The following PCDH9 variants were observed in gnomAD, a reference collection of about 807,000 sequenced individuals.
The protein encoded by PCDH9 is protocadherin 9, also known as protocadherin-9.
Under a neutral mutation model 70.6 loss-of-function variants are expected in PCDH9, and 24 were observed. That is an observed-to-expected ratio of 0.34 (90% confidence interval 0.25 to 0.48). PCDH9 has a LOEUF of 0.48. Among genes scored for constraint, PCDH9 ranks in the 20% least tolerant of loss-of-function variants. PCDH9 has a pLI of 0.99. For synonymous variants in PCDH9, 562 were observed against 558.5 expected, an observed-to-expected ratio of 1.01 and a Z score of -0.09; for missense variants, 1,281 against 1,503.6, an observed-to-expected ratio of 0.85 and a Z score of 2.45.
intron 3 of PCDH9, among the ~76,000 whole-genome samples, chr13:66,719,938 G>A (rs971507250): frequency 6.6e-6 from 1 of 152,152 alleles, no homozygotes; most frequent in Non-Finnish European, 1.5e-5. Context: ...GTAAAATCAA[G>A]CGTGGCAGTT....
chr13:66,957,096 G>A (rs1161163077), intron 2 of PCDH9, among the ~76,000 whole-genome samples: 1 of 152,150 alleles, frequency 6.6e-6, no homozygotes, highest in African/African-American at 2.4e-5. Context: ...CATAGAGTGA[G>A]GTTTTTATCT....
chr13:66,975,328 T>C (rs532496641), intron 2 of PCDH9, among the ~76,000 whole-genome samples: 2 of 152,182 alleles, frequency 1.3e-5, no homozygotes, highest in South Asian at 4.1e-4. Flanking sequence ...CGACAAATTA[T>C]CTCAATGGAT....
At chr13:67,084,694 A>G (rs1002071358) in intron 2 of PCDH9, among the ~76,000 whole-genome samples, 3 of 151,872 alleles carry the variant, frequency 2.0e-5, no homozygotes, top group Admixed American at 6.6e-5. Context: ...TTGCCGGCCC[A>G]GCATGGTGGC....
intron 3 of PCDH9, among the ~76,000 whole-genome samples, chr13:66,754,519 C>T (rs2079511200): frequency 6.6e-6 from 1 of 151,656 alleles, no homozygotes; most frequent in African/African-American, 2.4e-5. Context: ...ATTGTATAGT[C>T]CAGAGCTTTC....
chr13:67,170,611 A>G (rs2088254573), intron 2 of PCDH9, among the ~76,000 whole-genome samples: 1 of 152,178 alleles, frequency 6.6e-6, no homozygotes, highest in South Asian at 2.1e-4. Context: ...TGCATATTTT[A>G]CTATATTTAT....
intron 4 of PCDH9, among the ~76,000 whole-genome samples, chr13:66,352,128 G>A (rs1213818150): frequency 2.6e-5 from 4 of 152,078 alleles, no homozygotes; most frequent in African/African-American, 9.7e-5. Flanking sequence ...GAGCCACCGT[G>A]CCCGGCCTAC....
chr13:66,794,058 A>G (rs2080201319), intron 3 of PCDH9, among the ~76,000 whole-genome samples: 1 of 152,198 alleles, frequency 6.6e-6, no homozygotes, highest in African/African-American at 2.4e-5. Flanking sequence ...AAGGTAACTG[A>G]AGAACTCCAC....
In PCDH9 at chr13:66,823,158, C is replaced by T. The variant is rs184647553; in HGVS notation, c.3138+80346G>A. ...CCATTAGGTTATAAATTTAACAGTACCAAAGTTGTACATATTAGAGAATTT... is the reference window on the plus strand; with the variant it reads ...CCATTAGGTTATAAATTTAACAGTATCAAAGTTGTACATATTAGAGAATTT... On this transcript the variant is annotated intron_variant, in intron 3 of 4. Transcript: ENST00000377865. 5.5e-3 allele frequency among the ~76,000 whole-genome samples: 840 copies of T among 151,770 alleles called. 12 individuals carry two copies. Among genetic ancestry groups the T allele is most frequent in the African/African-American group, 0.018 (740 of 41,442 alleles).
intron 2 of PCDH9, among the ~76,000 whole-genome samples, chr13:67,006,599 A>C (rs2084359455): frequency 6.6e-6 from 1 of 152,220 alleles, no homozygotes; most frequent in Admixed American, 6.5e-5. Flanking sequence ...AGAAGAAGAA[A>C]GCAGATTGGC....
chr13:67,123,471 G>A (rs910960740), intron 2 of PCDH9, among the ~76,000 whole-genome samples: 5 of 152,088 alleles, frequency 3.3e-5, no homozygotes, highest in Non-Finnish European at 1.5e-5. Flanking sequence ...AGCTTCTGTT[G>A]CTTATGTTTT....
intron 2 of PCDH9, chr13:67,214,935 G>GATATATATATATAGAT (rs2089557258): frequency 1.1e-5 from 1 of 89,248 alleles, no homozygotes; most frequent in African/African-American, 4.5e-5. Context: ...TTGCGAGCCA[G>GATATATATATATAGAT]ATATATATAT....
At chr13:66,739,376 G>A (rs375210460) in intron 3 of PCDH9, among the ~76,000 whole-genome samples, 39 of 149,422 alleles carry the variant, frequency 2.6e-4, no homozygotes, top group Admixed American at 2.0e-3. Flanking sequence ...GGTACCAGCC[G>A]CTGCAAAATC....
chr13:66,389,089 A>G (rs894125223), intron 4 of PCDH9, among the ~76,000 whole-genome samples: 1 of 152,198 alleles, frequency 6.6e-6, no homozygotes, highest in African/African-American at 2.4e-5. Flanking sequence ...AAATCATTGT[A>G]GTAACCAAGA....
At chr13:66,706,789 T>G (rs1308886923) in intron 3 of PCDH9, among the ~76,000 whole-genome samples, 4 of 152,142 alleles carry the variant, frequency 2.6e-5, no homozygotes, top group Non-Finnish European at 5.9e-5. Context: ...AGATAATTAT[T>G]TGTCAGGGCA....
intron 3 of PCDH9, among the ~76,000 whole-genome samples, chr13:66,751,977 T>C (rs9540896): frequency 0.49 from 74,648 of 151,942 alleles, 20,421 homozygotes; most frequent in Non-Finnish European, 0.63. Flanking sequence ...AAAAGCATGG[T>C]TTTTTTAAAA....
At position 66,978,801 on chromosome 13, in the gene PCDH9, AATGTATGTATAT is replaced by A. The variant is rs888214137; in HGVS notation, c.3037-75208_3037-75197del. Among the ~76,000 whole-genome samples, 105 of 82,874 alleles carry A rather than the reference AATGTATGTATAT, an allele frequency of 1.3e-3. 1 individual carries two copies. The Middle Eastern group carries it at 0.056, about 44-fold the overall frequency. 54.4% of individuals were successfully genotyped at this position (82,874 alleles called of 152,430 possible). A position where few individuals can be genotyped will look rare whatever the true frequency, so the allele number is the denominator to read the frequency against. On this transcript the variant is annotated intron_variant, in intron 2 of 4. Coordinates refer to ENST00000377865, the MANE Select transcript of PCDH9 (RefSeq NM_203487.3). ...CCTTAACTTCATATATATGTACATAAATGTATGTATATATGTGTGTATATATATGAATATGAA... is the reference window on the plus strand; with the variant it reads ...CCTTAACTTCATATATATGTACATAAATGTGTGTATATATATGAATATGAA...
intron 3 of PCDH9, among the ~76,000 whole-genome samples, chr13:66,769,183 A>G (rs1334038167): frequency 6.6e-6 from 1 of 152,066 alleles, no homozygotes; most frequent in Non-Finnish European, 1.5e-5. Flanking sequence ...CCCACCCTAC[A>G]GGGTTCCAGT....
At chr13:67,200,187 G>A (rs2089174502) in intron 2 of PCDH9, among the ~76,000 whole-genome samples, 1 of 151,950 alleles carries the variant, frequency 6.6e-6, no homozygotes, top group African/African-American at 2.4e-5. Flanking sequence ...TTACTTGTTT[G>A]TTTTTAATTA....
intron 4 of PCDH9, among the ~76,000 whole-genome samples, chr13:66,497,864 G>GCT (rs1959141372): frequency 6.9e-6 from 1 of 145,724 alleles, no homozygotes; most frequent in South Asian, 2.2e-4. Flanking sequence ...TGTCACCCAG[G>GCT]CTGGAGCATA....
Sources: allele counts gnomAD v4.1 joint callset (sites outside exome capture counted in the v4.1 genomes callset), GRCh38; gene constraint gnomAD v4.1.1; transcripts MANE v1.5; gene names NCBI Gene and HGNC (gene_info 2026-07-23, HGNC 2026-07-21).